The following MYCBP2 variants were observed in gnomAD, a reference collection of about 807,000 sequenced individuals.
MYCBP2 encodes E3 ubiquitin-protein ligase MYCBP2.
A neutral mutation model predicts 525.3 loss-of-function variants in MYCBP2; 120 were observed. The ratio of observed to expected loss-of-function variants is 0.23; its 90% CI spans 0.20 to 0.27. MYCBP2 has a LOEUF of 0.27. Ranked by LOEUF, MYCBP2 falls within the 10% of genes least tolerant of loss-of-function variation. MYCBP2 has a pLI of 1.00. For synonymous variants in MYCBP2, 1,894 were observed against 1,955.8 expected, an observed-to-expected ratio of 0.97 and a Z score of 0.83; for missense variants, 4,149 against 5,657.1, an observed-to-expected ratio of 0.73 and a Z score of 8.55.
intron 46 of MYCBP2, among the ~76,000 whole-genome samples, chr13:77,155,335 G>A (rs2057076508): frequency 6.6e-6 from 1 of 152,084 alleles, no homozygotes; most frequent in South Asian, 2.1e-4. Context: ...AAAGGATTTT[G>A]TGGCTTAATC....
chr13:77,231,274 C>T (rs969213718), intron 18 of MYCBP2, among the ~76,000 whole-genome samples: 8 of 152,132 alleles, frequency 5.3e-5, no homozygotes, highest in African/African-American at 1.9e-4. Flanking sequence ...TGAAGACTAG[C>T]TATCATTGAA....
At chr13:77,056,574 T>G (rs1477604970) in intron 79 of MYCBP2, among the ~76,000 whole-genome samples, 1 of 152,188 alleles carries the variant, frequency 6.6e-6, no homozygotes, top group Non-Finnish European at 1.5e-5. Context: ...TCTAAAAGAA[T>G]CTGTTCTAGT....
chr13:77,098,473 C>T lies in MYCBP2; in HGVS notation c.8681G>A (p.Gly2894Glu), dbSNP rs759280209. The change falls in exon 56 of 83, where the codon GGA becomes GAA. Residue 2894 changes from glycine to glutamate, a missense_variant. By Grantham distance (98) the Gly-to-Glu change is moderately conservative. Around this residue, in one of 21 missense-constraint regions of MYCBP2, gnomAD observed 653 missense variants for 744.7 expected, o/e 0.88. Transcript: ENST00000544440. ...KKMPLTEPLRGRSTSPKPKSV... is the reference protein window; with the variant it reads ...KKMPLTEPLRERSTSPKPKSV... The stretch of plus-strand genomic sequence containing the variant: ...TTTTGGTTTTGGTGACGTTGACCGT[C>T]CTCTCAAAGGTTCTGTGAGGGGCAT... 1 of 1,613,672 alleles carries T rather than the reference C, an allele frequency of 6.2e-7. No individual in the cohort carries two copies. Among genetic ancestry groups the T allele is most frequent in the Non-Finnish European group, 8.5e-7 (1 of 1,179,812 alleles).
At chr13:77,244,997 C>T (rs896108585) in intron 15 of MYCBP2, among the ~76,000 whole-genome samples, 5 of 151,928 alleles carry the variant, frequency 3.3e-5, no homozygotes, top group Admixed American at 1.3e-4. Context: ...AGCCAACAAA[C>T]GAAAAAAAGC....
chr13:77,109,127 T>G (rs1198368185), intron 55 of MYCBP2, among the ~76,000 whole-genome samples: 2 of 152,204 alleles, frequency 1.3e-5, no homozygotes, highest in Non-Finnish European at 2.9e-5. Context: ...TTTATTCTTA[T>G]GTGGCAGGTA....
chr13:77,143,315 C>T (rs143288023), intron 49 of MYCBP2, among the ~76,000 whole-genome samples: 50 of 152,148 alleles, frequency 3.3e-4, no homozygotes, highest in Admixed American at 1.1e-3. Context: ...TGTGGACAGG[C>T]GCTGTCCAAT....
At chr13:77,238,471 G>C (rs899960319) in intron 17 of MYCBP2, among the ~76,000 whole-genome samples, 1 of 152,100 alleles carries the variant, frequency 6.6e-6, no homozygotes, top group Non-Finnish European at 1.5e-5. Flanking sequence ...TCATCCACTA[G>C]TTCTTCTGAT....
rs865806371 is a variant in MYCBP2 at position 77,248,592 on chromosome 13, C to A, written c.2381+2559G>T. The stretch of plus-strand genomic sequence containing the variant: ...ATACTATCTCACACCCATTAGGATG[C>A]CACTACCAAAATAACAGATCATAAG... On this transcript the variant is annotated intron_variant, in intron 15 of 82. Transcript: ENST00000544440. Among the ~76,000 whole-genome samples, 3 of 152,204 alleles carry A rather than the reference C, an allele frequency of 2.0e-5. No homozygotes were observed. The South Asian group carries it at 6.2e-4, about 32-fold the overall frequency.
chr13:77,261,477 A>C (rs2073268551), intron 11 of MYCBP2, 102 bp from the exon 12 acceptor site: 1 of 869,874 alleles, frequency 1.1e-6, no homozygotes, highest in Non-Finnish European at 1.7e-6. Context: ...TTGAAAAATA[A>C]AATTCACATA....
chr13:77,293,114 A>C (rs2077670775), intron 2 of MYCBP2, among the ~76,000 whole-genome samples: 1 of 152,178 alleles, frequency 6.6e-6, no homozygotes, highest in South Asian at 2.1e-4. Flanking sequence ...AGGCTCAGCT[A>C]CTGAGAAGCC....
At chr13:77,171,275 A>G (rs2059118628) in intron 38 of MYCBP2, among the ~76,000 whole-genome samples, 1 of 152,256 alleles carries the variant, frequency 6.6e-6, no homozygotes, top group Non-Finnish European at 1.5e-5. Flanking sequence ...AACTAAGAAA[A>G]TAAGAATATA....
intron 52 of MYCBP2, chr13:77,129,219 A>G: frequency 2.5e-6 from 1 of 397,920 alleles, no homozygotes. Flanking sequence ...CTTGGCTAGC[A>G]TTAAAGATAT....
In MYCBP2 at chr13:77,061,038, A is replaced by G. The variant is rs1345264114; in HGVS notation, c.13036+131T>C. ...ATAGAACACTCTATATATTTAGTAA[A>G]TATATAGATCAATGATGTCATAATT... On this transcript the variant is annotated intron_variant, in intron 76 of 82. Transcript: ENST00000544440. The G allele has an allele frequency of 2.9e-6, 3 of 1,040,682 alleles. No homozygotes were observed. The African/African-American group carries it at 5.0e-5, about 17-fold the overall frequency. 64.5% of individuals were successfully genotyped at this position (1,040,682 alleles called of 1,614,324 possible).
rs1425985275 is a variant in MYCBP2 at position 77,187,828 on chromosome 13, T to C, written c.4251+1123A>G. On this transcript the variant is annotated intron_variant, in intron 30 of 82. Coordinates refer to ENST00000544440, the MANE Select transcript of MYCBP2 (RefSeq NM_015057.5). ...TTGGGAGGCCGAGGCGGGTGGGTCA[T>C]GAGGTCAGGGGTTCGAGACCAGCCT... Among the ~76,000 whole-genome samples the C allele has an allele frequency of 3.3e-5, 5 of 151,958 alleles. No individual in the cohort carries two copies. The South Asian group carries it at 6.2e-4, about 19-fold the overall frequency.
intron 1 of MYCBP2, among the ~76,000 whole-genome samples, chr13:77,304,289 TTAGTGA>T (rs757133157): frequency 1.3e-5 from 2 of 152,124 alleles, no homozygotes; most frequent in Non-Finnish European, 2.9e-5. Context: ...GAAATACCAT[TTAGTGA>T]TTAAAAAAGA....
rs2057264613 is a variant in MYCBP2 at position 77,156,783 on chromosome 13, C to T, written c.6771-581G>A. ...TTCATTCCTGAATTCATTCTGTGAT[C>T]TACACATTCAAGTTGTCCTGTGAGC... On this transcript the variant is annotated intron_variant, in intron 45 of 82. Coordinates refer to ENST00000544440, the MANE Select transcript of MYCBP2 (RefSeq NM_015057.5). Among the ~76,000 whole-genome samples the T allele has an allele frequency of 2.0e-5, 3 of 152,210 alleles. 1 individual carries two copies. Among genetic ancestry groups the T allele is most frequent in the Admixed American group, 2.0e-4 (3 of 15,284 alleles).
chr13:77,309,180 C>T (rs994441175), intron 1 of MYCBP2, among the ~76,000 whole-genome samples: 1 of 152,208 alleles, frequency 6.6e-6, no homozygotes, highest in Non-Finnish European at 1.5e-5. Context: ...TCCAGCCTCA[C>T]TTTCCCACTT....
intron 1 of MYCBP2, among the ~76,000 whole-genome samples, chr13:77,319,242 G>C (rs535965977): frequency 2.0e-5 from 3 of 152,080 alleles, no homozygotes; most frequent in Admixed American, 6.6e-5. Flanking sequence ...GGAGGAGCTG[G>C]GGGTAAGAGG....
In MYCBP2 at chr13:77,257,937, A is replaced by G. The variant is rs1193448553; in HGVS notation, c.2018-108T>C. 3 of 848,634 alleles carry G rather than the reference A, an allele frequency of 3.5e-6. No individual in the cohort carries two copies. In the East Asian group the frequency reaches 8.7e-5, roughly 24 times the overall value. 52.6% of individuals were successfully genotyped at this position (848,634 alleles called of 1,614,324 possible). A position where few individuals can be genotyped will look rare whatever the true frequency, so the allele number is the denominator to read the frequency against. On this transcript the variant is annotated intron_variant, in intron 13 of 82. Coordinates refer to ENST00000544440, the MANE Select transcript of MYCBP2 (RefSeq NM_015057.5). ...TTTATTTCTGGGGCAAAATAACTCA[A>G]CAAAATGAGAAATAAGTAGCCAAAA...
Sources: allele counts gnomAD v4.1 joint callset (sites outside exome capture counted in the v4.1 genomes callset), GRCh38; gene constraint gnomAD v4.1.1; regional missense constraint gnomAD v4.1.1; transcripts MANE v1.5; gene names NCBI Gene and HGNC (gene_info 2026-07-23, HGNC 2026-07-21).